Variants in NID1 observed in about 807,000 individuals in gnomAD.
NID1 encodes the protein nidogen 1.
NID1 carries 76 observed loss-of-function variants against 130.6 expected under a neutral mutation model. That is an observed-to-expected ratio of 0.58 (90% CI 0.48 to 0.70). The LOEUF is 0.70. Among genes scored for constraint, NID1 ranks in the 30% least tolerant of loss-of-function variants. The pLI is 0.00. For synonymous variants in NID1, 665 were observed against 675.1 expected, an observed-to-expected ratio of 0.98 and a Z score of 0.23; for missense variants, 1,517 against 1,664.8, an observed-to-expected ratio of 0.91 and a Z score of 1.54.
At chr1:235,986,021 A>G (rs1160544745) in intron 14 of NID1, among the ~76,000 whole-genome samples, 1 of 152,134 alleles carries the variant, frequency 6.6e-6, no homozygotes, top group African/African-American at 2.4e-5. Context: ...TCAGCCTCCC[A>G]AAGTGCTGGG....
chr1:235,979,059 A>G lies in NID1; in HGVS notation c.3558T>C (p.Ala1186=). The G allele has an allele frequency of 6.2e-7, 1 of 1,614,160 alleles. No homozygotes were observed. Among genetic ancestry groups the G allele is most frequent in the Non-Finnish European group, 8.5e-7 (1 of 1,180,016 alleles). The change falls in exon 19 of 20, where the codon GCT becomes GCC. Residue 1186 remains alanine (A), a synonymous_variant. Coordinates refer to ENST00000264187, the MANE Select transcript of NID1 (RefSeq NM_002508.3). This position sits in a 1 kb window ranked among gnomAD's most constrained non-coding sequence, Gnocchi z 4.6. ...GCCGGGTCTGCTTGTGGGGTTGGAA[A>G]GCATCCGTCTCCTTGGAAATTGCAA... is the stretch of plus-strand genomic sequence containing the variant. ...LDLAISKETD[A]FQPHKQTRLY...
intron 12 of NID1, among the ~76,000 whole-genome samples, chr1:236,008,838 G>A (rs895997141): frequency 4.6e-5 from 7 of 151,924 alleles, no homozygotes; most frequent in African/African-American, 1.7e-4. Flanking sequence ...GGCTAATTTT[G>A]TATTTTTAGT....
rs10803233 is a variant in NID1, at chr1:236,026,422, G to T, written c.1739-281C>A. On this transcript the variant is annotated intron_variant, in intron 7 of 19. Transcript: ENST00000264187. The stretch of plus-strand genomic sequence containing the variant: ...GTGGTTCTCTGTAAGTTTTGAAGAC[G>T]CCCAGAACTAGAGATGAAGGTCAGG... Among the ~76,000 whole-genome samples the T allele has an allele frequency of 0.44, 66,333 of 151,918 alleles. 15,705 individuals carry two copies. The highest frequency in any genetic ancestry group is 0.62 in the African/African-American group (25,613 of 41,400).
At chr1:236,013,265 T>C in intron 11 of NID1, 146 bp downstream of exon 11, 3 of 832,414 alleles carry the variant, frequency 3.6e-6, no homozygotes, top group South Asian at 1.8e-5. Flanking sequence ...ACTAGAGAGA[T>C]ATAAAAAGCA....
intron 12 of NID1, among the ~76,000 whole-genome samples, chr1:236,004,162 G>C (rs1186287736): frequency 6.6e-6 from 1 of 152,136 alleles, no homozygotes; most frequent in Admixed American, 6.6e-5. Context: ...GACTGCAGTG[G>C]TTAGAGAGAG....
intron 1 of NID1, among the ~76,000 whole-genome samples, chr1:236,063,479 AAAAT>A (rs57532391): frequency 0.02 from 2,919 of 148,352 alleles, 90 homozygotes; most frequent in African/African-American, 0.067. Flanking sequence ...CTCAAAAAAA[AAAAT>A]AAATAAATAA....
rs1221010592 is a variant in NID1, at chr1:236,041,994, T to C, written c.1051A>G (p.Arg351Gly). 1 of 1,614,028 alleles carries C rather than the reference T, an allele frequency of 6.2e-7. No individual in the cohort carries two copies. Among genetic ancestry groups the C allele is most frequent in the Non-Finnish European group, 8.5e-7 (1 of 1,180,022 alleles). The change falls in exon 4 of 20, where the codon AGG (arginine) becomes GGG (glycine). Residue 351 changes from arginine (R) to glycine (G), a missense_variant. Coordinates refer to ENST00000264187, the MANE Select transcript of NID1 (RefSeq NM_002508.3). ...RPLGPPTERT[R>G]SFQLAVETFH... ...GTCTCCACTGCCAACTGGAAAGACC[T>C]GGTTCTCTCTGTGGGAGGTCCAAGG...
At chr1:236,052,413 C>T (rs1350517187) in intron 1 of NID1, among the ~76,000 whole-genome samples, 5 of 152,158 alleles carry the variant, frequency 3.3e-5, no homozygotes, top group African/African-American at 7.2e-5. Flanking sequence ...GGGGAGTCCT[C>T]GGGCCCATGT....
At chr1:236,032,723 A>G in intron 5 of NID1, 71 bp from the exon 6 acceptor site, 1 of 1,576,998 alleles carries the variant, frequency 6.3e-7, no homozygotes, top group Non-Finnish European at 8.6e-7. Context: ...AGTAATATGT[A>G]GGACCTGTAC....
chr1:236,034,987 T>C (rs1352434080), intron 5 of NID1, among the ~76,000 whole-genome samples: 1 of 114,982 alleles, frequency 8.7e-6, no homozygotes, highest in Non-Finnish European at 1.7e-5. Context: ...TTTTTTTCTT[T>C]CTTTCTTTCT....
chr1:236,005,916 C>A (rs1658234138), intron 12 of NID1, among the ~76,000 whole-genome samples: 1 of 152,134 alleles, frequency 6.6e-6, no homozygotes, highest in South Asian at 2.1e-4. Context: ...CTGACTTAAC[C>A]TAAACCCAAA....
chr1:236,035,854 G>T (rs185403901), intron 5 of NID1, among the ~76,000 whole-genome samples: 5 of 152,170 alleles, frequency 3.3e-5, no homozygotes, highest in Admixed American at 3.3e-4. Context: ...AGCGCAAAAA[G>T]GTATCCCAAG....
rs569820923 is a variant in NID1 at position 236,057,761 on chromosome 1, AAAAAG to A, written c.225+7089_225+7093del. Among the ~76,000 whole-genome samples the A allele has an allele frequency of 8.5e-5, 13 of 152,074 alleles. No individual in the cohort carries two copies. In the South Asian group the frequency reaches 1.4e-3, roughly 17 times the overall value. ...AGAGAGAGAGAGAAAGGAAAGGAAA[AAAAAG>A]AAAAGAAAAGAAAAAAAGAAAAAGA... On this transcript the variant is annotated intron_variant, in intron 1 of 19. Transcript: ENST00000264187.
chr1:235,984,539 T>C (rs986606858), intron 15 of NID1, among the ~76,000 whole-genome samples: 2 of 152,214 alleles, frequency 1.3e-5, no homozygotes, highest in African/African-American at 2.4e-5. Context: ...AAAATGAGGC[T>C]GCTCTATTTT....
chr1:236,005,952 TTA>T (rs1314879830), intron 12 of NID1, among the ~76,000 whole-genome samples: 2 of 152,172 alleles, frequency 1.3e-5, no homozygotes, highest in Non-Finnish European at 2.9e-5. Context: ...GAAAATATAG[TTA>T]TGTCATGTGA....
At chr1:236,033,472 A>G (rs1659159205) in intron 5 of NID1, among the ~76,000 whole-genome samples, 1 of 152,220 alleles carries the variant, frequency 6.6e-6, no homozygotes, top group African/African-American at 2.4e-5. Flanking sequence ...CAGCGTTAGC[A>G]CTGCCAGTCT....
At chr1:236,002,055 G>GA (rs1346214233) in intron 12 of NID1, among the ~76,000 whole-genome samples, 3 of 152,208 alleles carry the variant, frequency 2.0e-5, no homozygotes, top group Non-Finnish European at 4.4e-5. Flanking sequence ...GGCTAAATAG[G>GA]AGAGTCCTTG....
intron 11 of NID1, among the ~76,000 whole-genome samples, chr1:236,012,258 T>C (rs781172429): frequency 3.9e-5 from 6 of 152,152 alleles, no homozygotes; most frequent in Non-Finnish European, 8.8e-5. Flanking sequence ...AGCAATGTTT[T>C]CATGAAAAAT....
Position 236,048,819 on chromosome 1 carries a change from C to T in NID1, c.396G>A (p.Gln132=), listed in dbSNP as rs758277450. 2.5e-6 allele frequency: 4 copies of T among 1,614,150 alleles called. No homozygotes were observed. ...CTCTGTGGACACACTCTGCTGCTCG[C>T]TGAGTGATGGAGGGGGATAAGTCTT... The part of the protein sequence containing the change: ...YREDLSPSIT[Q]RAAECVHRGF... The change falls in exon 2 of 20, where the codon CAG becomes CAA. Residue 132 remains glutamine (Q), a synonymous_variant. Transcript: ENST00000264187.
Sources: allele counts gnomAD v4.1 joint callset (sites outside exome capture counted in the v4.1 genomes callset), GRCh38; gene constraint gnomAD v4.1.1; non-coding constraint Gnocchi (gnomAD v3.1); transcripts MANE v1.5; gene names NCBI Gene and HGNC (gene_info 2026-07-23, HGNC 2026-07-21).